Variants in EGFLAM observed in about 807,000 individuals in gnomAD.
EGFLAM encodes the protein pikachurin.
A neutral mutation model predicts 113.1 loss-of-function variants in EGFLAM; 79 were observed. The ratio of observed to expected loss-of-function variants is 0.70; its 90% CI spans 0.58 to 0.84. EGFLAM has a LOEUF of 0.84. Among genes scored for constraint, EGFLAM ranks in the 40% least tolerant of loss-of-function variants. The pLI is 0.00. For synonymous variants in EGFLAM, 504 were observed against 487.6 expected (o/e 1.03, Z -0.44); for missense variants, 1,265 against 1,291.6 (o/e 0.98, Z 0.32).
chr5:38,308,373 T>A (rs1758782574), intron 1 of EGFLAM, among the ~76,000 whole-genome samples: 1 of 152,202 alleles, frequency 6.6e-6, no homozygotes, highest in African/African-American at 2.4e-5. Context: ...CTGGGTGACT[T>A]CTGCTCATGA....
intron 1 of EGFLAM, among the ~76,000 whole-genome samples, chr5:38,323,333 T>C (rs1249348706): frequency 1.3e-5 from 2 of 152,226 alleles, no homozygotes; most frequent in Non-Finnish European, 2.9e-5. Context: ...CAGAAGTTTC[T>C]AATGCAACAG....
intron 1 of EGFLAM, among the ~76,000 whole-genome samples, chr5:38,322,705 G>A (rs1384047994): frequency 6.6e-6 from 1 of 152,170 alleles, no homozygotes; most frequent in Non-Finnish European, 1.5e-5. Context: ...TTACACTCGG[G>A]AATGATGGAT....
intron 1 of EGFLAM, among the ~76,000 whole-genome samples, chr5:38,314,750 T>C (rs1738547033): frequency 6.6e-6 from 1 of 152,222 alleles, no homozygotes; most frequent in Admixed American, 6.5e-5. Context: ...GGTGACTTGT[T>C]GAACTCAGGT....
intron 16 of EGFLAM, 126 bp from the exon 17 acceptor site, chr5:38,438,149 T>G: frequency 3.6e-6 from 3 of 842,312 alleles, no homozygotes; most frequent in Non-Finnish European, 3.3e-6. Context: ...AAGTGGAAAC[T>G]GGACTTAAAA....
At chr5:38,393,028 G>A (rs1237902407) in intron 6 of EGFLAM, among the ~76,000 whole-genome samples, 4 of 151,980 alleles carry the variant, frequency 2.6e-5, no homozygotes, top group Non-Finnish European at 5.9e-5. Flanking sequence ...GTGAGCCACC[G>A]CACCTGGCCC....
chr5:38,357,760 T>G (rs1381128136), intron 5 of EGFLAM, among the ~76,000 whole-genome samples: 2 of 152,082 alleles, frequency 1.3e-5, no homozygotes, highest in Non-Finnish European at 2.9e-5. Flanking sequence ...TCCAGTTCTC[T>G]CTCTGTCCTC....
Position 38,462,992 on chromosome 5 carries a change from C to G in EGFLAM, c.2856C>G (p.Ile952Met). 6.2e-7 allele frequency: 1 copy of G among 1,614,006 alleles called. No homozygotes were observed. The highest frequency in any genetic ancestry group is 1.1e-5 in the South Asian group (1 of 91,054). Residue 952 changes from isoleucine to methionine, a missense_variant, in exon 21 of 22, where the codon ATC becomes ATG. Transcript: ENST00000322350. The stretch of plus-strand genomic sequence containing the variant: ...CAGGCATGATGCGGCAGCTTAACAT[C>G]AATGGAGCTCTGTATGTGGGTAAGT... ...KSPGMMRQLN[I>M]NGALYVGGMK...
intron 6 of EGFLAM, among the ~76,000 whole-genome samples, chr5:38,382,627 C>T (rs1740540281): frequency 6.6e-6 from 1 of 152,170 alleles, no homozygotes; most frequent in Admixed American, 6.5e-5. Context: ...ACAAATTTAA[C>T]CAATAGCCTA....
intron 7 of EGFLAM, 119 bp downstream of exon 7, chr5:38,406,360 A>G: frequency 3.5e-6 from 3 of 850,822 alleles, no homozygotes; most frequent in Non-Finnish European, 5.6e-6. Flanking sequence ...ATTTGCTTTT[A>G]ACACTGATTT....
chr5:38,437,468 C>G (rs1047251617), intron 16 of EGFLAM, among the ~76,000 whole-genome samples: 1 of 152,164 alleles, frequency 6.6e-6, no homozygotes, highest in Non-Finnish European at 1.5e-5. Context: ...CTTCCGCCTC[C>G]GTAACACTGT....
At chr5:38,444,899 C>G (rs551117556) in intron 17 of EGFLAM, among the ~76,000 whole-genome samples, 17 of 152,066 alleles carry the variant, frequency 1.1e-4, no homozygotes, top group African/African-American at 3.6e-4. Context: ...GAGCCGAGAT[C>G]GCGCCACTGC....
chr5:38,280,132 A>G (rs113377823), intron 1 of EGFLAM, among the ~76,000 whole-genome samples: 3 of 152,360 alleles, frequency 2.0e-5, no homozygotes, highest in African/African-American at 4.8e-5. Flanking sequence ...TAGTCACTCA[A>G]AAATTCTTTT....
At chr5:38,401,385 G>A (rs1741107977) in intron 6 of EGFLAM, among the ~76,000 whole-genome samples, 1 of 152,190 alleles carries the variant, frequency 6.6e-6, no homozygotes, top group Non-Finnish European at 1.5e-5. Context: ...CATATTATCT[G>A]ATTCTAGAGT....
At chr5:38,429,567 G>A (rs887682169) in intron 14 of EGFLAM, among the ~76,000 whole-genome samples, 2 of 152,076 alleles carry the variant, frequency 1.3e-5, no homozygotes, top group African/African-American at 4.8e-5. Flanking sequence ...ACTATAAAAC[G>A]TAATGAGTAA....
At chr5:38,334,362 A>G (rs1385211626) in intron 1 of EGFLAM, among the ~76,000 whole-genome samples, 1 of 152,216 alleles carries the variant, frequency 6.6e-6, no homozygotes, top group East Asian at 1.9e-4. Context: ...CAAGGCACCA[A>G]CAGATTTGGT....
intron 6 of EGFLAM, among the ~76,000 whole-genome samples, chr5:38,393,821 CCA>C (rs1173673032): frequency 1.3e-5 from 2 of 152,236 alleles, no homozygotes; most frequent in African/African-American, 4.8e-5. Flanking sequence ...CAGCCAATAG[CCA>C]ACCAGCTTAG....
chr5:38,410,932 G>A (rs1271955621), intron 10 of EGFLAM, among the ~76,000 whole-genome samples: 1 of 152,206 alleles, frequency 6.6e-6, no homozygotes, highest in Non-Finnish European at 1.5e-5. Context: ...ACAGTGACTT[G>A]CATTCTATTC....
rs1340897967 is a variant in EGFLAM, at chr5:38,464,850, C to G, written c.*864C>G. 6.6e-6 allele frequency: 1 copy of G among 152,084 alleles called. No homozygotes were observed. The highest frequency in any genetic ancestry group is 1.5e-5 in the Non-Finnish European group (1 of 68,020). The allele number at this position is 152,084 out of a possible 1,614,324, so 9.4% of individuals were successfully genotyped here. A position where few individuals can be genotyped will look rare whatever the true frequency, so the allele number is the denominator to read the frequency against. ...TTGGGTGGGCAACTTGGGGAGCTGA[C>G]CATTCTCTTTTGGTAAATGTTGACG... On this transcript the variant is annotated 3_prime_UTR_variant, in exon 22 of 22. Coordinates refer to ENST00000322350, the MANE Select transcript of EGFLAM (RefSeq NM_152403.4).
chr5:38,357,118 G>A (rs1382734147), intron 5 of EGFLAM, among the ~76,000 whole-genome samples: 1 of 152,218 alleles, frequency 6.6e-6, no homozygotes, highest in Non-Finnish European at 1.5e-5. Context: ...TTAGCTAGGT[G>A]TGATATTGCA....
Sources: gnomAD v4.1 joint callset for allele counts (sites outside exome capture counted in the v4.1 genomes callset) on GRCh38, gnomAD v4.1.1 for gene constraint, MANE v1.5 for transcripts, NCBI Gene and HGNC (gene_info 2026-07-23, HGNC 2026-07-21) for gene names.